The following NALF1 variants were observed in gnomAD, a reference collection of about 807,000 sequenced individuals.
The protein encoded by NALF1 is NALCN channel auxiliary factor 1.
NALF1 carries 3 observed loss-of-function variants against 48.4 expected under a neutral mutation model. The observed-to-expected ratio is 0.06, with a 90% CI of 0.03 to 0.16. The LOEUF is 0.16. Ranked by LOEUF, NALF1 falls within the 10% of genes least tolerant of loss-of-function variation. The pLI, the probability that NALF1 is intolerant of heterozygous loss-of-function variation, is 1.00. For missense variants in NALF1, 526 were observed against 571.5 expected (o/e 0.92, Z 0.81); for synonymous variants, 262 against 245.7 (o/e 1.07, Z -0.62).
At chr13:107,597,941 T>G (rs1311581429) in intron 1 of NALF1, among the ~76,000 whole-genome samples, 1 of 152,174 alleles carries the variant, frequency 6.6e-6, no homozygotes, top group African/African-American at 2.4e-5. Flanking sequence ...GAAGTACAGA[T>G]AAGAAAATCA....
intron 1 of NALF1, among the ~76,000 whole-genome samples, chr13:107,373,453 T>A (rs966530389): frequency 6.6e-6 from 1 of 152,132 alleles, no homozygotes; most frequent in East Asian, 1.9e-4. Flanking sequence ...GACTTAACAT[T>A]TCAGTGAGAG....
intron 1 of NALF1, among the ~76,000 whole-genome samples, chr13:107,595,421 T>C (rs1156469264): frequency 6.6e-6 from 1 of 152,154 alleles, no homozygotes; most frequent in Non-Finnish European, 1.5e-5. Context: ...TATGTTCTAC[T>C]GATGGCACTA....
At chr13:107,390,005 T>C (rs1883595942) in intron 1 of NALF1, among the ~76,000 whole-genome samples, 1 of 152,194 alleles carries the variant, frequency 6.6e-6, no homozygotes, top group South Asian at 2.1e-4. Context: ...TTTCTCAATA[T>C]AGCTATATCT....
At chr13:107,865,586 A>G (rs1040201128) in intron 1 of NALF1, 96 bp downstream of exon 1, 1 of 1,493,076 alleles carries the variant, frequency 6.7e-7, no homozygotes, top group South Asian at 1.4e-5. Flanking sequence ...TAACAAAACC[A>G]TAGCCAAAAA....
intron 1 of NALF1, among the ~76,000 whole-genome samples, chr13:107,818,728 C>A: frequency 1.4e-5 from 2 of 147,286 alleles, no homozygotes; most frequent in African/African-American, 5.2e-5. Context: ...AAAAATTAGC[C>A]GGGCGTGGTA....
In NALF1 at chr13:107,580,808, C is replaced by G. The variant is rs909185440; in HGVS notation, c.915+284874G>C. The stretch of plus-strand genomic sequence containing the variant: ...GAATTATAACTAAACATTTTAACAA[C>G]AGTGGAAAAGACAGCCAGGTTTTGA... On this transcript the variant is annotated intron_variant, in intron 1 of 2. Transcript: ENST00000375915. Among the ~76,000 whole-genome samples, 13 of 152,206 alleles carry G rather than the reference C, an allele frequency of 8.5e-5. No individual in the cohort carries two copies. The East Asian group carries it at 2.1e-3, about 25-fold the overall frequency.
intron 1 of NALF1, among the ~76,000 whole-genome samples, chr13:107,470,823 C>T (rs927856555): frequency 2.6e-5 from 4 of 151,966 alleles, no homozygotes; most frequent in African/African-American, 9.7e-5. Flanking sequence ...TACATGTATA[C>T]TTATGTATAC....
intron 1 of NALF1, among the ~76,000 whole-genome samples, chr13:107,766,463 A>C (rs911145668): frequency 6.6e-6 from 1 of 152,212 alleles, no homozygotes; most frequent in East Asian, 1.9e-4. Flanking sequence ...TTTTACTACA[A>C]GATTGACTGA....
chr13:107,700,998 T>C (rs957708834), intron 1 of NALF1, among the ~76,000 whole-genome samples: 4 of 152,096 alleles, frequency 2.6e-5, no homozygotes, highest in Non-Finnish European at 4.4e-5. Flanking sequence ...AGTTGGTGAG[T>C]GTACAGAGAA....
chr13:107,296,753 G>C (rs1274615992), intron 1 of NALF1, among the ~76,000 whole-genome samples: 2 of 152,016 alleles, frequency 1.3e-5, no homozygotes, highest in Admixed American at 1.3e-4. Flanking sequence ...TAGCAGGAGA[G>C]AGAAAATCAA....
intron 1 of NALF1, among the ~76,000 whole-genome samples, chr13:107,490,312 C>A (rs192360659): frequency 9.9e-5 from 15 of 152,214 alleles, no homozygotes; most frequent in Admixed American, 3.9e-4. Flanking sequence ...AGCAAACACA[C>A]AGAATCAACC....
intron 1 of NALF1, among the ~76,000 whole-genome samples, chr13:107,644,638 C>CAT (rs1170442694): frequency 2.3e-5 from 1 of 43,388 alleles, no homozygotes; most frequent in South Asian, 9.1e-4. Context: ...TACATACATA[C>CAT]ATACATACAT....
intron 1 of NALF1, among the ~76,000 whole-genome samples, chr13:107,549,444 A>G (rs1256562490): frequency 6.6e-6 from 1 of 152,180 alleles, no homozygotes; most frequent in African/African-American, 2.4e-5. Flanking sequence ...AATCAATACA[A>G]AGGTATCAAA....
intron 1 of NALF1, among the ~76,000 whole-genome samples, chr13:107,584,555 C>T (rs1362859407): frequency 3.9e-5 from 6 of 152,086 alleles, no homozygotes; most frequent in African/African-American, 1.4e-4. Flanking sequence ...TAAATGATTG[C>T]TTCTTATGGG....
At chr13:107,265,898 T>C (rs1201007852) in intron 1 of NALF1, among the ~76,000 whole-genome samples, 2 of 152,172 alleles carry the variant, frequency 1.3e-5, no homozygotes, top group African/African-American at 4.8e-5. Context: ...CCGTAGCATC[T>C]GTGTGGCAAA....
rs2138477190 is a variant in NALF1 at position 107,661,186 on chromosome 13, C to T, written c.915+204496G>A. On this transcript the variant is annotated intron_variant, in intron 1 of 2. Coordinates refer to ENST00000375915, the MANE Select transcript of NALF1 (RefSeq NM_001080396.3). ...TCATCAGAGGAAATTTCTTGAGCAA[C>T]TTTGTGTGGATTTGGGTTTCAGGAT... Among the ~76,000 whole-genome samples the T allele has an allele frequency of 3.3e-5, 5 of 152,302 alleles. No individual in the cohort carries two copies. In the Middle Eastern group the frequency reaches 0.014, roughly 414 times the overall value.
chr13:107,305,012 T>G (rs1356667646), intron 1 of NALF1, among the ~76,000 whole-genome samples: 1 of 152,228 alleles, frequency 6.6e-6, no homozygotes, highest in Non-Finnish European at 1.5e-5. Flanking sequence ...AATAAGCTAT[T>G]AAAATGAATG....
Position 107,866,563 on chromosome 13 carries a change from C to T in NALF1, c.34G>A (p.Asp12Asn), listed in dbSNP as rs777298462. 1 of 1,611,558 alleles carries T rather than the reference C, an allele frequency of 6.2e-7. No homozygotes were observed. Among genetic ancestry groups the T allele is most frequent in the South Asian group, 1.1e-5 (1 of 91,048 alleles). ...GCCAACCAGATTTTTAAGCCGTCGT[C>T]ATACTGCCGACACATCCAAGCACCC... is the stretch of plus-strand genomic sequence containing the variant. ...TRGAWMCRQYDDGLKIWLAAP... is the reference protein window; with the variant it reads ...TRGAWMCRQYNDGLKIWLAAP... Residue 12 changes from aspartate (D) to asparagine (N), a missense_variant, in exon 1 of 3, where the codon GAC becomes AAC. Around this residue, in one of 2 missense-constraint regions of NALF1, gnomAD observed 373 missense variants for 355.5 expected, o/e 1.05. Transcript: ENST00000375915. This position sits in a 1 kb window ranked among gnomAD's most constrained non-coding sequence, Gnocchi z 4.4.
At chr13:107,400,532 G>T (rs1200699389) in intron 1 of NALF1, among the ~76,000 whole-genome samples, 1 of 151,798 alleles carries the variant, frequency 6.6e-6, no homozygotes, top group Non-Finnish European at 1.5e-5. Flanking sequence ...TGGCCAACAT[G>T]GTGAACCCCA....
Sources: allele counts gnomAD v4.1 joint callset (sites outside exome capture counted in the v4.1 genomes callset), GRCh38; gene constraint gnomAD v4.1.1; regional missense constraint gnomAD v4.1.1; non-coding constraint Gnocchi (gnomAD v3.1); transcripts MANE v1.5; gene names NCBI Gene and HGNC (gene_info 2026-07-23, HGNC 2026-07-21).